Variants in MANBA observed in about 807,000 individuals in gnomAD.
The protein encoded by MANBA is mannosidase beta.
In MANBA, 83 loss-of-function variants were observed where a neutral mutation model predicts 111.1. The observed-to-expected ratio is 0.75, with a 90% CI of 0.63 to 0.90. MANBA has a LOEUF of 0.90. Ranked by LOEUF, MANBA falls within the 40% of genes least tolerant of loss-of-function variation. The pLI is 0.00. For missense variants in MANBA, 1,036 were observed against 1,069.0 expected (o/e 0.97, Z 0.43); for synonymous variants, 370 against 378.7 (o/e 0.98, Z 0.27).
chr4:102,693,269 A>G (rs946923950), intron 5 of MANBA, among the ~76,000 whole-genome samples: 13 of 152,180 alleles, frequency 8.5e-5, no homozygotes, highest in African/African-American at 2.4e-4. Flanking sequence ...GGACAAATCT[A>G]GCCCACCTCT....
At chr4:102,729,161 C>T (rs1722927541) in intron 1 of MANBA, 1 of 724,572 alleles carries the variant, frequency 1.4e-6, no homozygotes, top group South Asian at 1.4e-5. Flanking sequence ...GTGCTGCAGA[C>T]ATCTGTGATG....
In MANBA at chr4:102,687,662, C is replaced by G. The variant is rs948206364; in HGVS notation, c.960+1912G>C. ...AGGCTCTGGGAATCTTCCCAGAATG[C>G]CCCTGCTCTGCACTTCCATGGCACT... On this transcript the variant is annotated intron_variant, in intron 7 of 16. Transcript: ENST00000647097. Among the ~76,000 whole-genome samples, 3 of 152,144 alleles carry G rather than the reference C, an allele frequency of 2.0e-5. 1 individual carries two copies. The highest frequency in any genetic ancestry group is 4.8e-5 in the African/African-American group (2 of 41,424).
chr4:102,723,016 C>T lies in MANBA; in HGVS notation c.404G>A (p.Arg135Lys). 1.9e-6 allele frequency: 3 copies of T among 1,614,106 alleles called. No homozygotes were observed. Among genetic ancestry groups the T allele is most frequent in the Non-Finnish European group, 2.5e-6 (3 of 1,179,962 alleles). The change falls in exon 4 of 17, where the codon AGG becomes AAG. Residue 135 changes from arginine (R) to lysine (K), a missense_variant. By Grantham distance (26) the Arg-to-Lys change is conservative. Coordinates refer to ENST00000647097, the MANE Select transcript of MANBA (RefSeq NM_005908.4). ...RYSFDITNVV[R>K]DVNSIELRFQ... Reference sequence around the variant, plus strand: ...ACGCAGCTCAATGGAGTTCACGTCCCTGACCACGTTGGTAATATCAAAGCT... The same window carrying T: ...ACGCAGCTCAATGGAGTTCACGTCCTTGACCACGTTGGTAATATCAAAGCT...
In MANBA at chr4:102,663,270, C is replaced by T. The variant is rs570044589; in HGVS notation, c.1485+1415G>A. Among the ~76,000 whole-genome samples, 3 of 152,112 alleles carry T rather than the reference C, an allele frequency of 2.0e-5. No homozygotes were observed. The South Asian group carries it at 6.2e-4, about 32-fold the overall frequency. On this transcript the variant is annotated intron_variant, in intron 11 of 16. Coordinates refer to ENST00000647097, the MANE Select transcript of MANBA (RefSeq NM_005908.4). The stretch of plus-strand genomic sequence containing the variant: ...CATAACAGCTCTTAAAAGTTAGCTC[C>T]TATTTTTAACCTAATTTTATAGATG...
intron 1 of MANBA, among the ~76,000 whole-genome samples, chr4:102,749,725 T>C (rs1723717953): frequency 6.6e-6 from 1 of 152,214 alleles, no homozygotes; most frequent in Non-Finnish European, 1.5e-5. Context: ...GTTGCTGAAA[T>C]TATATGAACA....
At chr4:102,644,589 G>A (rs1263944916) in intron 13 of MANBA, among the ~76,000 whole-genome samples, 2 of 152,086 alleles carry the variant, frequency 1.3e-5, no homozygotes, top group African/African-American at 2.4e-5. Context: ...TAGAAGCACA[G>A]AGTAGAATGG....
At chr4:102,656,105 T>G (rs1369050009) in intron 12 of MANBA, among the ~76,000 whole-genome samples, 2 of 151,930 alleles carry the variant, frequency 1.3e-5, no homozygotes, top group African/African-American at 4.8e-5. Flanking sequence ...ATACAAAAAT[T>G]AGCTGGGTGT....
chr4:102,727,836 C>A (rs990246651), intron 1 of MANBA: 1 of 610,484 alleles, frequency 1.6e-6, no homozygotes, highest in Non-Finnish European at 3.0e-6. Flanking sequence ...AAAGGATTTT[C>A]CTGAAGACTC....
At position 102,752,146 on chromosome 4, in the gene MANBA, C is replaced by G. The variant is rs1723830941; in HGVS notation, c.177+8572G>C. The G allele has an allele frequency of 6.5e-6, 5 of 774,752 alleles. No homozygotes were observed. The Admixed American group carries it at 8.6e-5, about 13-fold the overall frequency. 48.0% of individuals were successfully genotyped at this position (774,752 alleles called of 1,614,324 possible). On this transcript the variant is annotated intron_variant, in intron 1 of 16. Coordinates refer to ENST00000647097, the MANE Select transcript of MANBA (RefSeq NM_005908.4). ...CTCCCATAGTGACCCTCTCTGGTCACAAGGAAGCAATTTCCTCAGTTCTGT... is the reference window on the plus strand; with the variant it reads ...CTCCCATAGTGACCCTCTCTGGTCAGAAGGAAGCAATTTCCTCAGTTCTGT...
chr4:102,706,355 AC>A (rs552940537), intron 5 of MANBA, among the ~76,000 whole-genome samples: 128 of 152,352 alleles, frequency 8.4e-4, no homozygotes, highest in African/African-American at 3.0e-3. Context: ...GATGCTGTTT[AC>A]AGCTGAAGAA....
chr4:102,757,072 G>A (rs1458883744), intron 1 of MANBA, among the ~76,000 whole-genome samples: 1 of 152,140 alleles, frequency 6.6e-6, no homozygotes, highest in Non-Finnish European at 1.5e-5. Flanking sequence ...GCTCATGCCT[G>A]TAATTCCAGC....
In MANBA at chr4:102,690,726, T is replaced by C. The variant is rs771188401; in HGVS notation, c.719A>G (p.Asp240Gly). Residue 240 changes from aspartate (D) to glycine (G), a missense_variant, in exon 6 of 17, where the codon GAT becomes GGT. By Grantham distance (94) the Asp-to-Gly change is moderately conservative. Transcript: ENST00000647097. ...EWNLEIESTF[D>G]VVSSKPVGGQ... ...ACCAACTGGCTTTGAGCTGACAACATCAAATGTAGACTCTATTTCCAGATT... is the reference window on the plus strand; with the variant it reads ...ACCAACTGGCTTTGAGCTGACAACACCAAATGTAGACTCTATTTCCAGATT... The C allele has an allele frequency of 6.2e-7, 1 of 1,602,844 alleles. No homozygotes were observed. The highest frequency in any genetic ancestry group is 1.3e-5 in the African/African-American group (1 of 74,656).
At chr4:102,685,187 AGTAATTAAT>A (rs1732156037) in intron 7 of MANBA, among the ~76,000 whole-genome samples, 2 of 152,196 alleles carry the variant, frequency 1.3e-5, no homozygotes, top group Admixed American at 1.3e-4. Context: ...GTGAAGTGCT[AGTAATTAAT>A]GTTCTGTTTC....
In MANBA at chr4:102,634,799, C is replaced by A; in HGVS notation, c.2404G>T (p.Ala802Ser). The A allele has an allele frequency of 6.2e-7, 1 of 1,613,714 alleles. No homozygotes were observed. Among genetic ancestry groups the A allele is most frequent in the Non-Finnish European group, 8.5e-7 (1 of 1,180,028 alleles). Residue 802 changes from alanine to serine, a missense_variant, in exon 16 of 17, where the codon GCG becomes TCG. Coordinates refer to ENST00000647097, the MANE Select transcript of MANBA (RefSeq NM_005908.4). ...SPKEAVGLCK[A>S]QITAIISQQG... is the part of the protein sequence containing the mutation. Reference sequence around the variant, plus strand: ...TGACCTGTGCTTACAGTGATCTGCGCCTTGCAGAGCCCCACGGCCTCCTTC... The same window carrying A: ...TGACCTGTGCTTACAGTGATCTGCGACTTGCAGAGCCCCACGGCCTCCTTC...
chr4:102,750,737 ACTCTGT>A (rs1363150597), intron 1 of MANBA, among the ~76,000 whole-genome samples: 1 of 151,884 alleles, frequency 6.6e-6, no homozygotes, highest in Non-Finnish European at 1.5e-5. Context: ...ACATAGGGAG[ACTCTGT>A]CTCTACAAAA....
intron 16 of MANBA, chr4:102,633,178 T>A (rs2866410): frequency 0.53 from 209,025 of 397,128 alleles, 55,937 homozygotes; most frequent in Admixed American, 0.64. Flanking sequence ...AGAAGCTTAA[T>A]AAAGCGTATC....
intron 4 of MANBA, among the ~76,000 whole-genome samples, chr4:102,716,031 C>T (rs1048816547): frequency 6.6e-5 from 10 of 151,790 alleles, no homozygotes; most frequent in African/African-American, 2.2e-4. Context: ...ATGAGGAGGC[C>T]GGGCGCAGTG....
chr4:102,693,579 G>A (rs184820655), intron 5 of MANBA, among the ~76,000 whole-genome samples: 319 of 152,244 alleles, frequency 2.1e-3, no homozygotes, highest in African/African-American at 7.5e-3. Flanking sequence ...CCAGAACTAC[G>A]AGAAATAAAC....
chr4:102,668,925 T>C (rs778757800), intron 10 of MANBA, 38 bp downstream of exon 10: 1 of 1,473,470 alleles, frequency 6.8e-7, no homozygotes, highest in South Asian at 1.2e-5. Context: ...TAAAACATAT[T>C]ATTTGTTTTA....
Sources: allele counts gnomAD v4.1 joint callset (sites outside exome capture counted in the v4.1 genomes callset), GRCh38; gene constraint gnomAD v4.1.1; transcripts MANE v1.5; gene names NCBI Gene and HGNC (gene_info 2026-07-23, HGNC 2026-07-21).